CTNNA2: variants seen among roughly 807,000 people sequenced by gnomAD.
CTNNA2 encodes catenin alpha-2.
Under a neutral mutation model 101.0 loss-of-function variants are expected in CTNNA2, and 42 were observed. That is an observed-to-expected ratio of 0.42 (90% CI 0.32 to 0.54). The LOEUF (loss-of-function observed/expected upper bound fraction) is 0.54, where lower values mean the gene tolerates loss of function less well. CTNNA2 is among the 20% of genes least tolerant of loss of function. The pLI is 0.14. For missense variants in CTNNA2, 871 were observed against 1,223.1 expected, an observed-to-expected ratio of 0.71 and a Z score of 4.29; for synonymous variants, 450 against 456.4, an observed-to-expected ratio of 0.99 and a Z score of 0.18.
intron 4 of CTNNA2, among the ~76,000 whole-genome samples, chr2:79,407,046 G>A (rs747118632): frequency 2.6e-5 from 4 of 152,010 alleles, no homozygotes; most frequent in Non-Finnish European, 5.9e-5. Flanking sequence ...ATTTACAGTA[G>A]TCAGTGTCTT....
intron 14 of CTNNA2, among the ~76,000 whole-genome samples, chr2:80,583,836 T>C (rs1695745780): frequency 6.6e-6 from 1 of 152,162 alleles, no homozygotes; most frequent in Non-Finnish European, 1.5e-5. Context: ...TCATCTATTA[T>C]TTCTTCACAC....
At chr2:79,584,732 C>T (rs1426512036) in intron 1 of CTNNA2, among the ~76,000 whole-genome samples, 4 of 152,020 alleles carry the variant, frequency 2.6e-5, no homozygotes, top group Non-Finnish European at 5.9e-5. Flanking sequence ...GTTGTCCAGG[C>T]TGGTCTCGAA....
At chr2:80,634,281 A>G (rs978683148) in intron 18 of CTNNA2, among the ~76,000 whole-genome samples, 3 of 152,156 alleles carry the variant, frequency 2.0e-5, no homozygotes, top group African/African-American at 7.2e-5. Context: ...CTGCAATTTG[A>G]AAAGTATGGC....
chr2:79,357,837 C>T (rs1408649713), intron 3 of CTNNA2, among the ~76,000 whole-genome samples: 1 of 152,052 alleles, frequency 6.6e-6, no homozygotes, highest in African/African-American at 2.4e-5. Flanking sequence ...AATTGGAATT[C>T]TATAATCCAG....
chr2:79,964,687 G>C (rs1414074888), intron 7 of CTNNA2, among the ~76,000 whole-genome samples: 1 of 152,144 alleles, frequency 6.6e-6, no homozygotes, highest in Non-Finnish European at 1.5e-5. Flanking sequence ...TAAATGTGCT[G>C]ACAATAATGA....
chr2:79,891,300 G>A (rs1436195710), intron 6 of CTNNA2, among the ~76,000 whole-genome samples: 2 of 152,092 alleles, frequency 1.3e-5, no homozygotes, highest in Non-Finnish European at 2.9e-5. Context: ...CAAGTACATG[G>A]CTAATCTTCT....
At chr2:79,292,375 G>A (rs1675845566) in intron 2 of CTNNA2, among the ~76,000 whole-genome samples, 1 of 152,200 alleles carries the variant, frequency 6.6e-6, no homozygotes, top group Admixed American at 6.5e-5. Flanking sequence ...TGAGAGCTGA[G>A]AGAGTTCCAG....
intron 7 of CTNNA2, among the ~76,000 whole-genome samples, chr2:80,234,365 G>A (rs926169212): frequency 9.9e-5 from 15 of 152,206 alleles, no homozygotes; most frequent in African/African-American, 3.6e-4. Flanking sequence ...AATGTTAGAA[G>A]GTATTAATCT....
intron 3 of CTNNA2, among the ~76,000 whole-genome samples, chr2:79,746,090 G>A (rs1376200575): frequency 6.6e-6 from 1 of 152,124 alleles, no homozygotes; most frequent in Non-Finnish European, 1.5e-5. Context: ...TTTGTGAATT[G>A]TATCATCATA....
At chr2:80,386,475 A>C (rs1334997251) in intron 7 of CTNNA2, among the ~76,000 whole-genome samples, 3 of 152,206 alleles carry the variant, frequency 2.0e-5, no homozygotes, top group Non-Finnish European at 4.4e-5. Context: ...TAATGGTGCT[A>C]TTTGTACTAA....
At chr2:79,558,741 G>A (rs913858426) in intron 1 of CTNNA2, among the ~76,000 whole-genome samples, 1 of 151,926 alleles carries the variant, frequency 6.6e-6, no homozygotes, top group Non-Finnish European at 1.5e-5. Flanking sequence ...AAACCTACAT[G>A]CACAAAGACT....
chr2:79,200,276 C>G (rs1456202505), intron 2 of CTNNA2, among the ~76,000 whole-genome samples: 1 of 151,588 alleles, frequency 6.6e-6, no homozygotes, highest in African/African-American at 2.4e-5. Flanking sequence ...GTCAGCTACT[C>G]TGGAGGCTGA....
intron 2 of CTNNA2, among the ~76,000 whole-genome samples, chr2:79,231,159 G>T (rs1399689575): frequency 1.3e-5 from 2 of 152,102 alleles, no homozygotes; most frequent in East Asian, 3.9e-4. Context: ...TTTGGGAGGG[G>T]CCAGGGAAGA....
intron 4 of CTNNA2, among the ~76,000 whole-genome samples, chr2:79,452,285 T>G (rs1670765469): frequency 6.6e-6 from 1 of 151,938 alleles, no homozygotes; most frequent in Non-Finnish European, 1.5e-5. Flanking sequence ...ATAATCACAC[T>G]TTAGTCACTT....
chr2:80,065,021 G>A (rs1287655086), intron 7 of CTNNA2, among the ~76,000 whole-genome samples: 1 of 152,162 alleles, frequency 6.6e-6, no homozygotes, highest in Non-Finnish European at 1.5e-5. Context: ...GCAAATGCAA[G>A]TTTATCCTCC....
At chr2:80,079,424 C>T (rs2148798256) in intron 7 of CTNNA2, among the ~76,000 whole-genome samples, 1 of 152,286 alleles carries the variant, frequency 6.6e-6, no homozygotes, top group African/African-American at 2.4e-5. Flanking sequence ...CATGGGAGCT[C>T]CTACTAAGCA....
chr2:79,364,181 T>C (rs6706018), intron 3 of CTNNA2, among the ~76,000 whole-genome samples: 48,036 of 152,072 alleles, frequency 0.32, 7,869 homozygotes, highest in Admixed American at 0.42. Context: ...GGAGGATAAA[T>C]AGAATACACT....
chr2:80,264,370 A>G (rs1272188725), intron 7 of CTNNA2, among the ~76,000 whole-genome samples: 2 of 152,146 alleles, frequency 1.3e-5, no homozygotes, highest in Non-Finnish European at 2.9e-5. Flanking sequence ...TGTATGTCAG[A>G]CTCAACAGTA....
intron 12 of CTNNA2, among the ~76,000 whole-genome samples, chr2:80,562,146 C>CAGTAT (rs759403719): frequency 0.075 from 11,479 of 152,062 alleles, 578 homozygotes; most frequent in Middle Eastern, 0.15. Flanking sequence ...GACTGTTAAC[C>CAGTAT]TTTGAACCAG....
Sources: allele counts gnomAD v4.1 joint callset (sites outside exome capture counted in the v4.1 genomes callset), GRCh38; gene constraint gnomAD v4.1.1; transcripts MANE v1.5; gene names NCBI Gene and HGNC (gene_info 2026-07-23, HGNC 2026-07-21).